Variants in ZFP2 observed in about 807,000 individuals in gnomAD.
The protein encoded by ZFP2 is zinc finger protein ZFP2.
ZFP2 carries 33 observed loss-of-function variants against 36.1 expected under a neutral mutation model. The ratio of observed to expected loss-of-function variants is 0.92; its 90% CI spans 0.69 to 1.22. The LOEUF (loss-of-function observed/expected upper bound fraction) is 1.22, where lower values mean the gene tolerates loss of function less well. Ranked by LOEUF, ZFP2 falls within the 50% of genes most tolerant of loss-of-function variation. The probability of loss-of-function intolerance (pLI) is 0.00; values close to 1 mark genes in which losing one functional copy is unlikely to be tolerated. For missense variants in ZFP2, 522 were observed against 551.4 expected, an observed-to-expected ratio of 0.95 and a Z score of 0.53; for synonymous variants, 170 against 178.0, an observed-to-expected ratio of 0.96 and a Z score of 0.36.
rs1758849892 is a variant in ZFP2 at position 178,931,795 on chromosome 5, A to C, written c.482A>C (p.Asn161Thr). 1 of 1,613,940 alleles carries C rather than the reference A, an allele frequency of 6.2e-7. No homozygotes were observed. The highest frequency in any genetic ancestry group is 1.3e-5 in the African/African-American group (1 of 74,898). The change falls in exon 5 of 5, where the codon AAT becomes ACT. Residue 161 changes from asparagine (N) to threonine (T), a missense_variant. Asn to Thr is a moderately conservative substitution (Grantham distance 65). Transcript: ENST00000361362. ...ACTGGAGAGAAACCCTATAAATGTA[A>C]TGAATGTGGGAAAGCCTTTAGTCAG... ...IHTGEKPYKC[N>T]ECGKAFSQSM...
At chr5:178,916,270 T>G (rs1758429246) in intron 3 of ZFP2, among the ~76,000 whole-genome samples, 1 of 152,152 alleles carries the variant, frequency 6.6e-6, no homozygotes, top group Non-Finnish European at 1.5e-5. Context: ...GAAGAGCCCA[T>G]TTAGTGCTGA....
intron 4 of ZFP2, among the ~76,000 whole-genome samples, chr5:178,921,047 A>G (rs2113105630): frequency 6.6e-6 from 1 of 152,330 alleles, no homozygotes; most frequent in South Asian, 2.1e-4. Flanking sequence ...TTTCTGTGTC[A>G]GTTTGGTTGT....
chr5:178,909,484 G>C (rs962655888), intron 1 of ZFP2, among the ~76,000 whole-genome samples: 1 of 152,126 alleles, frequency 6.6e-6, no homozygotes, highest in Non-Finnish European at 1.5e-5. Flanking sequence ...CTCCATACTA[G>C]CATTGGCCCC....
At chr5:178,926,719 C>T (rs974811860) in intron 4 of ZFP2, among the ~76,000 whole-genome samples, 9 of 152,026 alleles carry the variant, frequency 5.9e-5, no homozygotes, top group African/African-American at 1.7e-4. Context: ...AGGGTTTCAC[C>T]GTGTTAGCCA....
chr5:178,910,486 T>G, intron 1 of ZFP2: 1 of 655,646 alleles, frequency 1.5e-6, no homozygotes, highest in Non-Finnish European at 2.8e-6. Flanking sequence ...AGGGTGGTAC[T>G]TGCTCCTCAC....
intron 1 of ZFP2, chr5:178,910,332 C>A: frequency 8.6e-7 from 1 of 1,163,102 alleles, no homozygotes; most frequent in Non-Finnish European, 1.3e-6. Context: ...CTTGTAGCAC[C>A]TGAACAGTTC....
chr5:178,909,807 GTGTCGAAGA>G, intron 1 of ZFP2: 1 of 1,592,484 alleles, frequency 6.3e-7, no homozygotes, highest in Non-Finnish European at 8.6e-7. Flanking sequence ...CTCCACAAAG[GTGTCGAAGA>G]GATTTGGCCA....
chr5:178,914,612 T>C (rs1758379427), intron 3 of ZFP2, among the ~76,000 whole-genome samples: 1 of 152,060 alleles, frequency 6.6e-6, no homozygotes. Flanking sequence ...CAAAGTGTTT[T>C]TGAGGAGCTT....
intron 1 of ZFP2, among the ~76,000 whole-genome samples, chr5:178,907,096 G>A (rs1758181498): frequency 6.6e-6 from 1 of 151,978 alleles, no homozygotes; most frequent in African/African-American, 2.4e-5. Flanking sequence ...CTGGCCTTAT[G>A]GAGCGAGCGT....
Position 178,922,103 on chromosome 5 carries a change from CTTTTATGCATA to C in ZFP2, c.-78+5398_-78+5408del, listed in dbSNP as rs1758571774. ...TATCAAGAGACTACTGTATACCCAT[CTTTTATGCATA>C]TTTTCAATTATCCTAAGTGTCTTCA... is the stretch of plus-strand genomic sequence containing the variant. On this transcript the variant is annotated intron_variant, in intron 4 of 4. Coordinates refer to ENST00000361362, the MANE Select transcript of ZFP2 (RefSeq NM_030613.4). 1.8e-5 allele frequency: 20 copies of C among 1,139,652 alleles called. 2 individuals are homozygous for C. Among genetic ancestry groups the C allele is most frequent in the Non-Finnish European group, 1.3e-6 (1 of 748,356 alleles). 70.6% of individuals were successfully genotyped at this position (1,139,652 alleles called of 1,614,324 possible). A position where few individuals can be genotyped will look rare whatever the true frequency, so the allele number is the denominator to read the frequency against.
At chr5:178,904,569 A>G (rs1758127250) in intron 1 of ZFP2, among the ~76,000 whole-genome samples, 1 of 150,586 alleles carries the variant, frequency 6.6e-6, no homozygotes, top group Admixed American at 6.6e-5. Flanking sequence ...AATATAGTTT[A>G]CATATATTTA....
At chr5:178,918,846 T>C (rs1173166640) in intron 4 of ZFP2, among the ~76,000 whole-genome samples, 1 of 152,168 alleles carries the variant, frequency 6.6e-6, no homozygotes, top group Admixed American at 6.5e-5. Flanking sequence ...TTTAATGAGA[T>C]AGTAAAATGT....
intron 4 of ZFP2, among the ~76,000 whole-genome samples, chr5:178,922,923 T>C (rs989494771): frequency 2.7e-5 from 4 of 149,280 alleles, no homozygotes; most frequent in African/African-American, 9.7e-5. Context: ...GAAAAAAAAA[T>C]ATTGAAAGCT....
rs11956147 is a variant in ZFP2 at position 178,931,737 on chromosome 5, C to G, written c.424C>G (p.Arg142Gly). 12,237 of 1,613,998 alleles carry G rather than the reference C, an allele frequency of 7.6e-3. 814 individuals are homozygous for G. In the African/African-American group the frequency reaches 0.14, roughly 18 times the overall value. ...CNVCGKHFIE[R>G]SSLTVHQRIH... ...TGTATGTGGGAAACACTTCATTGAA[C>G]GATCCTCCCTTACTGTACATCAAAG... Residue 142 changes from arginine (R) to glycine (G), a missense_variant, in exon 5 of 5, where the codon CGA (arginine) becomes GGA (glycine). Arg to Gly is a moderately radical substitution (Grantham distance 125). Transcript: ENST00000361362.
intron 1 of ZFP2, among the ~76,000 whole-genome samples, chr5:178,898,222 G>A (rs151005571): frequency 0.015 from 2,239 of 152,306 alleles, 64 homozygotes; most frequent in African/African-American, 0.051. Flanking sequence ...CTGGCCTCAA[G>A]TGGTCCACCC....
intron 1 of ZFP2, chr5:178,909,738 G>A (rs61747996): frequency 0.22 from 341,565 of 1,547,728 alleles, 39,289 homozygotes; most frequent in Non-Finnish European, 0.24. Context: ...CAAGCCCTCG[G>A]GCCTTGAGCT....
At chr5:178,912,045 A>G (rs1277723754) in intron 1 of ZFP2, among the ~76,000 whole-genome samples, 2 of 152,170 alleles carry the variant, frequency 1.3e-5, no homozygotes, top group African/African-American at 4.8e-5. Flanking sequence ...AGGCAGAAGA[A>G]TTTCTTGAAT....
chr5:178,924,594 C>T (rs907354649), intron 4 of ZFP2, among the ~76,000 whole-genome samples: 1 of 148,846 alleles, frequency 6.7e-6, no homozygotes, highest in Non-Finnish European at 1.5e-5. Context: ...AATCCCAGCA[C>T]TTTGGGAGGC....
chr5:178,920,986 A>G (rs962811346), intron 4 of ZFP2, among the ~76,000 whole-genome samples: 2 of 152,198 alleles, frequency 1.3e-5, no homozygotes, highest in African/African-American at 2.4e-5. Context: ...CAGGCAGTCA[A>G]CCTGGTTGAG....
Sources: gnomAD v4.1 joint callset for allele counts (sites outside exome capture counted in the v4.1 genomes callset) on GRCh38, gnomAD v4.1.1 for gene constraint, MANE v1.5 for transcripts, NCBI Gene and HGNC (gene_info 2026-07-23, HGNC 2026-07-21) for gene names.